The following SEMA3A variants were observed in gnomAD, a reference collection of about 807,000 sequenced individuals.
SEMA3A encodes semaphorin 3A, also known as semaphorin-3A.
Under a neutral mutation model 97.9 loss-of-function variants are expected in SEMA3A, and 29 were observed. The observed-to-expected ratio is 0.30, with a 90% CI of 0.22 to 0.40. SEMA3A has a LOEUF of 0.40. Among genes scored for constraint, SEMA3A ranks in the 10% least tolerant of loss-of-function variants. The pLI is 1.00. For synonymous variants in SEMA3A, 321 were observed against 323.7 expected (o/e 0.99, Z 0.09); for missense variants, 763 against 951.3 (o/e 0.80, Z 2.60).
At chr7:84,058,854 T>A (rs533979078) in intron 5 of SEMA3A, among the ~76,000 whole-genome samples, 1 of 152,288 alleles carries the variant, frequency 6.6e-6, no homozygotes, top group Non-Finnish European at 1.5e-5. Flanking sequence ...GATATTCAAA[T>A]ATAAAACTAA....
intron 1 of SEMA3A, among the ~76,000 whole-genome samples, chr7:84,482,700 G>A (rs1345802097): frequency 1.3e-5 from 2 of 152,146 alleles, no homozygotes; most frequent in Non-Finnish European, 2.9e-5. Flanking sequence ...CATTATTGTT[G>A]TGGCCACAAC....
chr7:84,356,150 A>G (rs979084961), intron 2 of SEMA3A, among the ~76,000 whole-genome samples: 1 of 151,864 alleles, frequency 6.6e-6, no homozygotes, highest in African/African-American at 2.4e-5. Context: ...TCTGAAAATT[A>G]TTTTAGTGTT....
chr7:83,990,049 T>G lies in SEMA3A; in HGVS notation c.1453-4572A>C, dbSNP rs868577187. ...ATGGTATCTCATTGTGGTTTTGATT[T>G]GCATTTCTCTGATGGCCAGTGATGA... On this transcript the variant is annotated intron_variant, in intron 12 of 16. Coordinates refer to ENST00000265362, the MANE Select transcript of SEMA3A (RefSeq NM_006080.3). 5.8e-3 allele frequency among the ~76,000 whole-genome samples: 880 copies of G among 152,146 alleles called. 5 individuals carry two copies. Among genetic ancestry groups the G allele is most frequent in the Non-Finnish European group, 9.9e-3 (675 of 67,976 alleles).
At chr7:84,285,988 A>G (rs1045174752) in intron 3 of SEMA3A, among the ~76,000 whole-genome samples, 1 of 141,506 alleles carries the variant, frequency 7.1e-6, no homozygotes, top group Non-Finnish European at 1.5e-5. Flanking sequence ...AAAAAAAAAA[A>G]GAAGAAGAAG....
chr7:84,401,480 T>C (rs1803901701), intron 1 of SEMA3A, among the ~76,000 whole-genome samples: 1 of 145,390 alleles, frequency 6.9e-6, no homozygotes, highest in South Asian at 2.2e-4. Flanking sequence ...ATGATCTTGT[T>C]CACAGAAATA....
intron 12 of SEMA3A, among the ~76,000 whole-genome samples, chr7:83,986,767 C>T (rs568348093): frequency 3.9e-5 from 6 of 152,224 alleles, no homozygotes; most frequent in South Asian, 4.1e-4. Flanking sequence ...AATTGTGATT[C>T]AAATCTGGCC....
intron 3 of SEMA3A, among the ~76,000 whole-genome samples, chr7:84,259,921 G>A (rs148031028): frequency 0.012 from 1,779 of 152,190 alleles, 20 homozygotes; most frequent in Middle Eastern, 0.031. Context: ...CTGGAGAAAG[G>A]GAGTGTTCTA....
At chr7:84,464,946 A>G (rs1397581550) in intron 1 of SEMA3A, among the ~76,000 whole-genome samples, 1 of 152,198 alleles carries the variant, frequency 6.6e-6, no homozygotes, top group East Asian at 1.9e-4. Flanking sequence ...GTGACTATAC[A>G]GAAGTTTTCT....
intron 3 of SEMA3A, among the ~76,000 whole-genome samples, chr7:84,268,050 A>G (rs948692808): frequency 2.6e-5 from 4 of 152,254 alleles, no homozygotes; most frequent in African/African-American, 9.6e-5. Flanking sequence ...TAACTACATT[A>G]CTTTATTCCT....
At chr7:83,989,820 T>C (rs2081460775) in intron 12 of SEMA3A, among the ~76,000 whole-genome samples, 2 of 150,370 alleles carry the variant, frequency 1.3e-5, no homozygotes, top group Admixed American at 1.3e-4. Flanking sequence ...TATAGTCCTT[T>C]GGGTATATAC....
At chr7:83,963,914 C>G (rs970352772) in intron 15 of SEMA3A, among the ~76,000 whole-genome samples, 4 of 152,088 alleles carry the variant, frequency 2.6e-5, no homozygotes, top group Non-Finnish European at 5.9e-5. Flanking sequence ...AAATAATCTA[C>G]AAGTTTGTTC....
intron 1 of SEMA3A, among the ~76,000 whole-genome samples, chr7:84,157,784 T>C (rs1796889875): frequency 1.3e-5 from 2 of 152,162 alleles, no homozygotes; most frequent in Non-Finnish European, 2.9e-5. Context: ...TCTTTTCTCC[T>C]TGGACTCATG....
chr7:84,226,187 A>C (rs1269738151), intron 3 of SEMA3A, among the ~76,000 whole-genome samples: 2 of 152,106 alleles, frequency 1.3e-5, no homozygotes, highest in African/African-American at 2.4e-5. Flanking sequence ...CCATTAAACA[A>C]GACATTCTGT....
At chr7:84,089,170 C>T (rs991063603) in intron 4 of SEMA3A, among the ~76,000 whole-genome samples, 1 of 152,124 alleles carries the variant, frequency 6.6e-6, no homozygotes, top group African/African-American at 2.4e-5. Flanking sequence ...GTGCAAAATA[C>T]TTCCCTTTAA....
intron 3 of SEMA3A, among the ~76,000 whole-genome samples, chr7:84,211,970 G>A (rs937375487): frequency 1.3e-5 from 2 of 152,218 alleles, no homozygotes; most frequent in African/African-American, 2.4e-5. Context: ...AACCTGGGAA[G>A]AACCGGGGAA....
Position 84,014,363 on chromosome 7 carries a change from A to T in SEMA3A, c.668-12T>A. ...AATGAACTTTGGATCTGAGAGACAA[A>T]TAATAGCGTATATATTAATTCACAG... is the stretch of plus-strand genomic sequence containing the variant. On this transcript the variant is annotated splice_polypyrimidine_tract_variant and intron_variant, in intron 6 of 16. Coordinates refer to ENST00000265362, the MANE Select transcript of SEMA3A (RefSeq NM_006080.3). 4 of 1,591,024 alleles carry T rather than the reference A, an allele frequency of 2.5e-6. No individual in the cohort carries two copies. The highest frequency in any genetic ancestry group is 3.4e-6 in the Non-Finnish European group (4 of 1,162,224).
At chr7:84,442,670 T>C (rs928717297) in intron 1 of SEMA3A, among the ~76,000 whole-genome samples, 5 of 152,054 alleles carry the variant, frequency 3.3e-5, no homozygotes, top group Admixed American at 6.5e-5. Flanking sequence ...ATTAAAAAGA[T>C]AGCAGAATGG....
intron 3 of SEMA3A, among the ~76,000 whole-genome samples, chr7:84,239,687 T>C (rs1799315187): frequency 6.6e-6 from 1 of 152,148 alleles, no homozygotes; most frequent in Non-Finnish European, 1.5e-5. Context: ...TTTTTAAGAA[T>C]AAAATGATCT....
rs116305875 is a variant in SEMA3A at position 84,417,490 on chromosome 7, C to T, written c.-245-45590G>A. Among the ~76,000 whole-genome samples, 626 of 152,034 alleles carry T rather than the reference C, an allele frequency of 4.1e-3. 6 individuals carry two copies. Among genetic ancestry groups the T allele is most frequent in the African/African-American group, 0.014 (593 of 41,520 alleles). On this transcript the variant is annotated intron_variant, in intron 1 of 3. Transcript: ENST00000424555. ...ATTTCTTCACCAAAAATTTATGACG[C>T]GTTTGTTTCCATATAACATCAATGA...
Sources: allele counts gnomAD v4.1 joint callset (sites outside exome capture counted in the v4.1 genomes callset), GRCh38; gene constraint gnomAD v4.1.1; transcripts MANE v1.5; gene names NCBI Gene and HGNC (gene_info 2026-07-23, HGNC 2026-07-21).